COL5A1: variants seen among roughly 807,000 people sequenced by gnomAD.
COL5A1 encodes the protein collagen alpha-1(V) chain.
A neutral mutation model predicts 263.7 loss-of-function variants in COL5A1; 16 were observed. The observed-to-expected ratio is 0.06, with a 90% CI of 0.04 to 0.09. The LOEUF (loss-of-function observed/expected upper bound fraction) is 0.09, where lower values mean the gene tolerates loss of function less well. Among genes scored for constraint, COL5A1 ranks in the 10% least tolerant of loss-of-function variants. The pLI is 1.00. For synonymous variants in COL5A1, 1,012 were observed against 1,004.5 expected (o/e 1.01, Z -0.14); for missense variants, 2,036 against 2,540.5 (o/e 0.80, Z 4.27).
At chr9:134,822,471 T>C (rs1839047407) in intron 59 of COL5A1, among the ~76,000 whole-genome samples, 1 of 152,104 alleles carries the variant, frequency 6.6e-6, no homozygotes, top group Non-Finnish European at 1.5e-5. Context: ...CCCTCCCAAT[T>C]CCCAGGAGCC....
intron 50 of COL5A1, 133 bp from the exon 51 acceptor site, chr9:134,815,443 G>A (rs1194707685): frequency 3.3e-6 from 3 of 901,526 alleles, no homozygotes; most frequent in Non-Finnish European, 5.4e-6. Flanking sequence ...GCACTGGGTT[G>A]TCGGAACTGC....
intron 27 of COL5A1, among the ~76,000 whole-genome samples, chr9:134,777,949 C>T (rs944925271): frequency 5.3e-5 from 8 of 152,336 alleles, no homozygotes; most frequent in East Asian, 1.9e-4. Context: ...TTTTCCTGTG[C>T]GTTTCAGAGG....
chr9:134,830,311 C>A, intron 64 of COL5A1: 1 of 878,756 alleles, frequency 1.1e-6, no homozygotes, highest in Non-Finnish European at 1.8e-6. Flanking sequence ...CACGTGACAG[C>A]AAGACTCAGC....
chr9:134,796,917 C>G lies in COL5A1; in HGVS notation c.2898+16C>G, dbSNP rs757120119. On this transcript the variant is annotated intron_variant, in intron 36 of 65. Coordinates refer to ENST00000371817, the MANE Select transcript of COL5A1 (RefSeq NM_000093.5). ...GGGCCCCCCTGTAAGTAATGGCTTC[C>G]TTGCTGGGCCAGCACTGCCTGTCCC... The G allele has an allele frequency of 1.9e-6, 3 of 1,612,986 alleles. No individual in the cohort carries two copies. The highest frequency in any genetic ancestry group is 2.5e-6 in the Non-Finnish European group (3 of 1,179,074).
At chr9:134,813,208 G>A (rs1838607318) in intron 48 of COL5A1, among the ~76,000 whole-genome samples, 2 of 151,872 alleles carry the variant, frequency 1.3e-5, no homozygotes, top group African/African-American at 4.8e-5. Flanking sequence ...GTGTGTGTGT[G>A]CCTGTGTGTG....
intron 32 of COL5A1, among the ~76,000 whole-genome samples, chr9:134,792,439 G>C (rs577299929): frequency 1.1e-4 from 17 of 152,176 alleles, no homozygotes; most frequent in South Asian, 6.2e-4. Context: ...GCAGTGGTGC[G>C]ATCTCAGCTC....
At chr9:134,784,957 G>GCA (rs1554799383) in intron 29 of COL5A1, 32 bp from the exon 30 acceptor site, 12 of 1,534,426 alleles carry the variant, frequency 7.8e-6, no homozygotes, top group Non-Finnish European at 9.9e-6. Flanking sequence ...TGCGGGGGGT[G>GCA]GTCTTCTCAC....
chr9:134,781,970 G>A (rs1837271707), intron 28 of COL5A1, among the ~76,000 whole-genome samples: 1 of 152,202 alleles, frequency 6.6e-6, no homozygotes, highest in African/African-American at 2.4e-5. Flanking sequence ...GACAGGAAAA[G>A]CCCAGCCAAG....
intron 48 of COL5A1, among the ~76,000 whole-genome samples, chr9:134,813,359 C>T (rs960166169): frequency 3.9e-5 from 6 of 152,192 alleles, no homozygotes; most frequent in African/African-American, 1.4e-4. Flanking sequence ...CTTGAGCCCC[C>T]TGTGCACCGT....
In COL5A1 at chr9:134,731,552, A is replaced by C; in HGVS notation, c.1221A>C (p.Glu407Asp). 2 of 1,614,222 alleles carry C rather than the reference A, an allele frequency of 1.2e-6. No homozygotes were observed. Among genetic ancestry groups the C allele is most frequent in the Non-Finnish European group, 1.7e-6 (2 of 1,180,026 alleles). The change falls in exon 8 of 66, where the codon GAA (glutamate) becomes GAC (aspartate). Residue 407 changes from glutamate (E) to aspartate (D), a missense_variant. By Grantham distance (45) the Glu-to-Asp change is conservative (BLOSUM62 2). This residue lies in a region of COL5A1 where 600 missense variants were observed against 634.5 expected (regional missense o/e 0.95). Transcript: ENST00000371817. ...ADDLEGEFTE[E>D]TIRNLDENYY... ...ACTTGGAGGGGGAGTTCACTGAGGA[A>C]ACGATCCGGAACCTTGACGAGAACT... is the stretch of plus-strand genomic sequence containing the variant.
At chr9:134,732,438 A>C (rs1312212824) in intron 9 of COL5A1, 2 of 538,714 alleles carry the variant, frequency 3.7e-6, no homozygotes, top group African/African-American at 1.9e-5. Flanking sequence ...AGCAGCTCAG[A>C]GCTATCGAGG....
chr9:134,829,381 C>G (rs1839482852), intron 63 of COL5A1, among the ~76,000 whole-genome samples: 1 of 148,540 alleles, frequency 6.7e-6, no homozygotes, highest in African/African-American at 2.5e-5. Context: ...CCTCCGGTCT[C>G]CCCGAGGGCC....
chr9:134,753,759 T>TCCCCCAGCCCCCCCCCCGCCCCCCCCC, intron 14 of COL5A1, 91 bp from the exon 15 acceptor site: 3 of 540,646 alleles, frequency 5.5e-6, no homozygotes, highest in East Asian at 9.0e-5. Flanking sequence ...CCCTGTCCCC[T>TCCCCCAGCCCCCCCCCCGCCCCCCCCC]CCCCCTGCCC....
chr9:134,738,373 G>C, intron 9 of COL5A1, 101 bp from the exon 10 acceptor site: 1 of 1,332,636 alleles, frequency 7.5e-7, no homozygotes, highest in Non-Finnish European at 1.1e-6. Context: ...GCTGAGCCAG[G>C]GCCTCTTGTG....
chr9:134,685,224 C>T (rs1332391083), intron 1 of COL5A1, among the ~76,000 whole-genome samples: 1 of 145,148 alleles, frequency 6.9e-6, no homozygotes, highest in Admixed American at 6.9e-5. Context: ...ACCATCCATT[C>T]ACCCATCCAT....
chr9:134,823,603 T>A, intron 61 of COL5A1, 134 bp downstream of exon 61: 1 of 915,478 alleles, frequency 1.1e-6, no homozygotes, highest in Non-Finnish European at 1.7e-6. Flanking sequence ...GCCTTGTCCC[T>A]CGCACGCAGC....
intron 1 of COL5A1, among the ~76,000 whole-genome samples, chr9:134,649,776 A>G (rs1454891553): frequency 6.6e-6 from 1 of 152,228 alleles, no homozygotes; most frequent in Admixed American, 6.5e-5. Context: ...AAGACTTGCA[A>G]CCAACCCAAA....
In COL5A1 at chr9:134,682,075, T is replaced by C. The variant is rs895944333; in HGVS notation, c.110-8837T>C. 6.6e-6 allele frequency among the ~76,000 whole-genome samples: 1 copy of C among 152,106 alleles called. No homozygotes were observed. Among genetic ancestry groups the C allele is most frequent in the African/African-American group, 2.4e-5 (1 of 41,430 alleles). ...CCCTTGGCTGTGCAGGCCACAGACA[T>C]TTGGCAGGACGTGGCCTGGGCTCAG... On this transcript the variant is annotated intron_variant, in intron 1 of 65. Coordinates refer to ENST00000371817, the MANE Select transcript of COL5A1 (RefSeq NM_000093.5). This position sits in a 1 kb window ranked among gnomAD's most constrained non-coding sequence, Gnocchi z 5.1.
At position 134,794,401 on chromosome 9, in the gene COL5A1, G is replaced by T. The variant is rs1270178724; in HGVS notation, c.2701-681G>T. ...TTGGGACACGGTGGGGGATGTAGGG[G>T]CCCCTGCGTGTTCAGCCCGTGGCTT... On this transcript the variant is annotated intron_variant, in intron 32 of 65. Coordinates refer to ENST00000371817, the MANE Select transcript of COL5A1 (RefSeq NM_000093.5). The surrounding 1 kb of genome is among the most constrained non-coding windows in gnomAD (Gnocchi z 4.3). 6.6e-6 allele frequency among the ~76,000 whole-genome samples: 1 copy of T among 152,044 alleles called. No individual in the cohort carries two copies. The highest frequency in any genetic ancestry group is 6.6e-5 in the Admixed American group (1 of 15,260).
Sources: gnomAD v4.1 joint callset for allele counts (sites outside exome capture counted in the v4.1 genomes callset) on GRCh38, gnomAD v4.1.1 for gene constraint, gnomAD v4.1.1 regional missense constraint, Gnocchi (gnomAD v3.1) non-coding constraint, MANE v1.5 for transcripts, NCBI Gene and HGNC (gene_info 2026-07-23, HGNC 2026-07-21) for gene names.